NRBF2: variants seen among roughly 807,000 people sequenced by gnomAD.
NRBF2 encodes nuclear receptor binding factor 2, also known as nuclear receptor-binding factor 2.
NRBF2 carries 12 observed loss-of-function variants against 28.5 expected under a neutral mutation model. The observed-to-expected ratio is 0.42, with a 90% CI of 0.27 to 0.68. The LOEUF (loss-of-function observed/expected upper bound fraction) is 0.68. NRBF2 is among the 30% of genes least tolerant of loss of function. The probability of loss-of-function intolerance (pLI) is 0.24; values close to 1 mark genes in which losing one functional copy is unlikely to be tolerated. For synonymous variants in NRBF2, 102 were observed against 116.5 expected (o/e 0.88, Z 0.80); for missense variants, 274 against 333.5 (o/e 0.82, Z 1.39).
chr10:63,143,703 T>G (rs1841511681), intron 1 of NRBF2, among the ~76,000 whole-genome samples: 1 of 151,676 alleles, frequency 6.6e-6, no homozygotes, highest in African/African-American at 2.4e-5. Context: ...CCACCCGCCT[T>G]GGCCTCCGCA....
Position 63,146,167 on chromosome 10 carries a change from T to C in NRBF2, c.31-42T>C, listed in dbSNP as rs770988676. On this transcript the variant is annotated intron_variant, in intron 1 of 3. Coordinates refer to ENST00000277746, the MANE Select transcript of NRBF2 (RefSeq NM_030759.5). Reference sequence around the variant, plus strand: ...TTGCTTTTTGAAAGAAATCATGTTTTATTTTATGATCCAGAGGAACTTAGG... The same window carrying C: ...TTGCTTTTTGAAAGAAATCATGTTTCATTTTATGATCCAGAGGAACTTAGG... 4 of 1,498,920 alleles carry C rather than the reference T, an allele frequency of 2.7e-6. No homozygotes were observed. The African/African-American group carries it at 4.1e-5, about 15-fold the overall frequency. 92.9% of individuals were successfully genotyped at this position (1,498,920 alleles called of 1,614,324 possible).
At chr10:63,151,756 G>T (rs1841653183) in intron 2 of NRBF2, among the ~76,000 whole-genome samples, 2 of 152,186 alleles carry the variant, frequency 1.3e-5, no homozygotes, top group South Asian at 2.1e-4. Flanking sequence ...AGTCCAAAAT[G>T]ATAGATTCCA....
At chr10:63,137,192 C>G (rs886760070) in intron 1 of NRBF2, among the ~76,000 whole-genome samples, 4 of 152,220 alleles carry the variant, frequency 2.6e-5, no homozygotes, top group Non-Finnish European at 5.9e-5. Context: ...CCAAGCTGGT[C>G]TTGAACTCCT....
Position 63,133,515 on chromosome 10 carries a change from G to A in NRBF2, c.30+15G>A, listed in dbSNP as rs762281438. 1.4e-5 allele frequency: 22 copies of A among 1,593,940 alleles called. No individual in the cohort carries two copies. Among genetic ancestry groups the A allele is most frequent in the Admixed American group, 3.4e-5 (2 of 59,616 alleles). On this transcript the variant is annotated intron_variant, in intron 1 of 3. Coordinates refer to ENST00000277746, the MANE Select transcript of NRBF2 (RefSeq NM_030759.5). ...CCCTCAACCTGGTGAGTGTCCCACA[G>A]AATATAGCGTTCGTCTTGGGTGCCT...
intron 2 of NRBF2, among the ~76,000 whole-genome samples, chr10:63,149,744 A>G (rs893876160): frequency 3.1e-4 from 47 of 152,188 alleles, no homozygotes; most frequent in African/African-American, 1.0e-3. Context: ...TACAATTTCA[A>G]GGTTCTACAA....
At chr10:63,140,705 C>CTT (rs201387308) in intron 1 of NRBF2, among the ~76,000 whole-genome samples, 16 of 144,998 alleles carry the variant, frequency 1.1e-4, no homozygotes, top group South Asian at 4.4e-4. Context: ...CAGCCTATTA[C>CTT]TTTTTTTTTT....
chr10:63,141,384 T>C (rs1288251843), intron 1 of NRBF2, among the ~76,000 whole-genome samples: 1 of 152,172 alleles, frequency 6.6e-6, no homozygotes, highest in Non-Finnish European at 1.5e-5. Context: ...TGCAGTGAGC[T>C]ATGATTGCAC....
In NRBF2 at chr10:63,153,637, G is replaced by A. The variant is rs1414589973; in HGVS notation, c.283G>A (p.Ala95Thr). Residue 95 changes from alanine (A) to threonine (T), a missense_variant, in exon 4 of 4, where the codon GCT (alanine) becomes ACT (threonine). Transcript: ENST00000277746. ...KAQQNTDKDA[A>T]AHLQTSHKPS... ...CCAGCAGAACACAGACAAGGATGCA[G>A]CTGCCCATCTTCAGACATCTCACAA... The A allele has an allele frequency of 3.1e-6, 5 of 1,611,810 alleles. No individual in the cohort carries two copies. The highest frequency in any genetic ancestry group is 3.3e-5 in the Admixed American group (2 of 59,990).
intron 2 of NRBF2, among the ~76,000 whole-genome samples, chr10:63,147,745 A>G (rs1564531050): frequency 1.3e-5 from 2 of 150,946 alleles, no homozygotes; most frequent in East Asian, 2.0e-4. Flanking sequence ...TCCTAATGCT[A>G]TCCCTCCCCT....
intron 2 of NRBF2, among the ~76,000 whole-genome samples, chr10:63,148,655 C>CT (rs1008000744): frequency 2.6e-5 from 4 of 152,182 alleles, no homozygotes; most frequent in Non-Finnish European, 5.9e-5. Flanking sequence ...TAGCTAAGGA[C>CT]TTTATAGCCT....
chr10:63,147,721 A>C lies in NRBF2; in HGVS notation c.115+1428A>C, dbSNP rs140947401. On this transcript the variant is annotated intron_variant, in intron 2 of 3. Transcript: ENST00000277746. ...TGCTGCACCCATCAACCTGTTGTCTACATTAGGTATTTCTCCTAATGCTAT... is the reference window on the plus strand; with the variant it reads ...TGCTGCACCCATCAACCTGTTGTCTCCATTAGGTATTTCTCCTAATGCTAT... 9.7e-3 allele frequency among the ~76,000 whole-genome samples: 1,454 copies of C among 150,112 alleles called. 9 individuals are homozygous for C. Among genetic ancestry groups the C allele is most frequent in the Middle Eastern group, 0.035 (10 of 288 alleles).
chr10:63,150,990 CT>C (rs1311829791), intron 2 of NRBF2, among the ~76,000 whole-genome samples: 3 of 152,202 alleles, frequency 2.0e-5, no homozygotes, highest in Non-Finnish European at 4.4e-5. Context: ...ACAGATGAAA[CT>C]TCACTGGCTT....
chr10:63,152,825 C>T (rs1206132787), intron 3 of NRBF2, among the ~76,000 whole-genome samples: 3 of 152,006 alleles, frequency 2.0e-5, no homozygotes, highest in Non-Finnish European at 2.9e-5. Context: ...AGTGAGACCC[C>T]ATCTCTACAA....
intron 1 of NRBF2, 50 bp downstream of exon 1, chr10:63,133,550 G>A (rs751763485): frequency 4.2e-6 from 6 of 1,425,052 alleles, no homozygotes; most frequent in Non-Finnish European, 5.9e-6. Flanking sequence ...TTTGCCTCAG[G>A]AGCCCGGCCC....
At position 63,153,975 on chromosome 10, in the gene NRBF2, A is replaced by C; in HGVS notation, c.621A>C (p.Leu207=). 2 of 1,611,852 alleles carry C rather than the reference A, an allele frequency of 1.2e-6. No individual in the cohort carries two copies. Among genetic ancestry groups the C allele is most frequent in the Non-Finnish European group, 1.7e-6 (2 of 1,179,784 alleles). The change falls in exon 4 of 4, where the codon CTA becomes CTC. Residue 207 remains leucine (L), a synonymous_variant. Transcript: ENST00000277746. ...TAAAGGCTGAAAAGGCCAGACTTCT[A>C]AAAGGTCCAATAGAAAAGGAGCTGG... is the stretch of plus-strand genomic sequence containing the variant. The part of the protein sequence containing the change: ...KQLKAEKARL[L]KGPIEKELDV...
rs1412419421 is a variant in NRBF2, at chr10:63,138,511, A to G, written c.30+5011A>G. Reference sequence around the variant, plus strand: ...AAAAAAAAAAAAAAATTGGGAGGCCAAGGCGGGCAGATCACGAGGTCAGGA... The same window carrying G: ...AAAAAAAAAAAAAAATTGGGAGGCCGAGGCGGGCAGATCACGAGGTCAGGA... On this transcript the variant is annotated intron_variant, in intron 1 of 3. Transcript: ENST00000277746. Among the ~76,000 whole-genome samples the G allele has an allele frequency of 6.0e-5, 9 of 151,186 alleles. No individual in the cohort carries two copies. In the South Asian group the frequency reaches 1.0e-3, roughly 18 times the overall value.
rs976441701 is a variant in NRBF2, at chr10:63,146,216, A to G, written c.38A>G (p.Gln13Arg). The G allele has an allele frequency of 1.2e-6, 2 of 1,611,458 alleles. No individual in the cohort carries two copies. Among genetic ancestry groups the G allele is most frequent in the African/African-American group, 1.3e-5 (1 of 74,986 alleles). Residue 13 changes from glutamine (Q) to arginine (R), a missense_variant, in exon 2 of 4, where the codon CAA becomes CGA. Gln to Arg is a conservative substitution (Grantham distance 43). Coordinates refer to ENST00000277746, the MANE Select transcript of NRBF2 (RefSeq NM_030759.5). ...VMEGPLNLAH[Q>R]QSRRADRLLA... ...GGGATGTTTGTCTTCTAGGCTCATC[A>G]ACAGAGCAGACGAGCAGACCGTTTA...
At chr10:63,147,640 G>T (rs1841584008) in intron 2 of NRBF2, among the ~76,000 whole-genome samples, 1 of 149,924 alleles carries the variant, frequency 6.7e-6, no homozygotes, top group Admixed American at 6.6e-5. Flanking sequence ...AAGTTCTGGG[G>T]TACATGTGTA....
chr10:63,142,300 TTGTTTTTTTTG>T (rs963525792), intron 1 of NRBF2, among the ~76,000 whole-genome samples: 1 of 143,434 alleles, frequency 7.0e-6, no homozygotes, highest in African/African-American at 2.6e-5. Flanking sequence ...TTTGTTTTTT[TTGTTTTTTTTG>T]TTTTTTTTTG....
Sources: allele counts gnomAD v4.1 joint callset (sites outside exome capture counted in the v4.1 genomes callset), GRCh38; gene constraint gnomAD v4.1.1; transcripts MANE v1.5; gene names NCBI Gene and HGNC (gene_info 2026-07-23, HGNC 2026-07-21).